RAP1GAP2: variants seen among roughly 807,000 people sequenced by gnomAD.
RAP1GAP2 encodes the protein RAP1 GTPase activating protein 2, also known as rap1 GTPase-activating protein 2.
A neutral mutation model predicts 95.0 loss-of-function variants in RAP1GAP2; 27 were observed. The ratio of observed to expected loss-of-function variants is 0.28; its 90% CI spans 0.21 to 0.39. The LOEUF is 0.39. Ranked by LOEUF, RAP1GAP2 falls within the 10% of genes least tolerant of loss-of-function variation. The pLI, the probability that RAP1GAP2 is intolerant of heterozygous loss-of-function variation, is 1.00. For synonymous variants in RAP1GAP2, 373 were observed against 380.9 expected (o/e 0.98, Z 0.24); for missense variants, 771 against 970.0 (o/e 0.79, Z 2.72).
intron 1 of RAP1GAP2, among the ~76,000 whole-genome samples, chr17:2,765,274 G>T (rs2068251634): frequency 6.6e-6 from 1 of 152,142 alleles, no homozygotes; most frequent in Non-Finnish European, 1.5e-5. Flanking sequence ...CCTGTGTCCA[G>T]CCCAGCACCA....
chr17:2,990,040 G>T (rs1245406813), intron 11 of RAP1GAP2, among the ~76,000 whole-genome samples: 1 of 152,150 alleles, frequency 6.6e-6, no homozygotes, highest in Non-Finnish European at 1.5e-5. Flanking sequence ...TATTTTCAGT[G>T]TTTATCCAGG....
intron 3 of RAP1GAP2, among the ~76,000 whole-genome samples, chr17:2,948,441 G>A (rs1278118244): frequency 6.6e-6 from 1 of 152,262 alleles, no homozygotes; most frequent in Non-Finnish European, 1.5e-5. Flanking sequence ...ATGAGCTGGG[G>A]TGCGGCAAGA....
At chr17:2,962,449 G>T in intron 4 of RAP1GAP2, 1 of 517,992 alleles carries the variant, frequency 1.9e-6, no homozygotes, top group Non-Finnish European at 3.3e-6. Flanking sequence ...GAACCCCGGC[G>T]ATCTGGCTCA....
chr17:2,988,208 C>CA (rs34528475), intron 11 of RAP1GAP2, among the ~76,000 whole-genome samples: 288 of 135,924 alleles, frequency 2.1e-3, no homozygotes, highest in Middle Eastern at 4.2e-3. Flanking sequence ...AACTCCATCT[C>CA]AAAAAAAAAA....
chr17:2,853,807 G>T, intron 2 of RAP1GAP2: 1 of 535,870 alleles, frequency 1.9e-6, no homozygotes, highest in Non-Finnish European at 2.4e-6. Context: ...AGGAGACGCT[G>T]AAGGTCGCCG....
intron 9 of RAP1GAP2, 38 bp from the exon 10 acceptor site, chr17:2,981,157 A>G: frequency 6.3e-7 from 1 of 1,594,644 alleles, no homozygotes; most frequent in Non-Finnish European, 8.6e-7. Context: ...TCCTCTACAG[A>G]TATCATCCCT....
At chr17:3,031,120 G>A (rs1020330931) in intron 23 of RAP1GAP2, 122 bp downstream of exon 23, 6 of 1,122,222 alleles carry the variant, frequency 5.3e-6, no homozygotes, top group Non-Finnish European at 7.7e-6. Flanking sequence ...GGCAGGGGAA[G>A]CTCTGGGGAC....
At chr17:2,851,526 G>A (rs768245264) in intron 2 of RAP1GAP2, among the ~76,000 whole-genome samples, 50 of 152,080 alleles carry the variant, frequency 3.3e-4, no homozygotes, top group Non-Finnish European at 5.1e-4. Flanking sequence ...TAGGGCAGGG[G>A]CAGAAGGATG....
intron 11 of RAP1GAP2, among the ~76,000 whole-genome samples, chr17:2,990,492 T>C (rs1229291069): frequency 1.3e-5 from 2 of 151,604 alleles, no homozygotes; most frequent in Non-Finnish European, 2.9e-5. Flanking sequence ...GTGAAGTTTC[T>C]GGATCACATG....
chr17:2,892,627 T>C lies in RAP1GAP2; in HGVS notation c.81-12657T>C, dbSNP rs2073761356. Among the ~76,000 whole-genome samples the C allele has an allele frequency of 2.6e-5, 4 of 152,194 alleles. No homozygotes were observed. In the South Asian group the frequency reaches 6.2e-4, roughly 24 times the overall value. ...CATCTCTCTCCATGTAGCCTCTCCA[T>C]GTTCCCAGCTGCAGCATTGACAGTC... On this transcript the variant is annotated intron_variant, in intron 2 of 24. Coordinates refer to ENST00000254695, the MANE Select transcript of RAP1GAP2 (RefSeq NM_015085.5).
chr17:2,936,705 C>A (rs891606903), intron 3 of RAP1GAP2, among the ~76,000 whole-genome samples: 1 of 152,020 alleles, frequency 6.6e-6, no homozygotes, highest in Non-Finnish European at 1.5e-5. Context: ...TACCATTAGA[C>A]GCAGCCCTGA....
At chr17:2,920,489 C>G (rs34910921) in intron 3 of RAP1GAP2, among the ~76,000 whole-genome samples, 33 of 152,308 alleles carry the variant, frequency 2.2e-4, no homozygotes, top group African/African-American at 7.9e-4. Context: ...CTGCCTCCCC[C>G]GCTGGATGGT....
At chr17:2,762,106 G>A (rs931518797) in intron 1 of RAP1GAP2, among the ~76,000 whole-genome samples, 1 of 140,382 alleles carries the variant, frequency 7.1e-6, no homozygotes, top group African/African-American at 2.6e-5. Context: ...CTCTATCTCA[G>A]CCTCCCGAGT....
intron 16 of RAP1GAP2, 77 bp downstream of exon 16, chr17:3,006,118 ATCTT>A: frequency 1.8e-5 from 13 of 720,020 alleles, no homozygotes; most frequent in Non-Finnish European, 2.7e-5. Context: ...GGGCTCCTCC[ATCTT>A]TTTTTTTTTT....
chr17:2,782,329 TGAG>T (rs2068680807), intron 1 of RAP1GAP2, among the ~76,000 whole-genome samples: 1 of 152,188 alleles, frequency 6.6e-6, no homozygotes. Flanking sequence ...AGCTCTGAGT[TGAG>T]GAGATGAGTC....
intron 2 of RAP1GAP2, among the ~76,000 whole-genome samples, chr17:2,890,139 T>G (rs1281611683): frequency 6.6e-6 from 1 of 151,836 alleles, no homozygotes; most frequent in African/African-American, 2.4e-5. Context: ...AACCCCTTGT[T>G]CTGGACACTC....
At chr17:2,794,089 CAA>C (rs397700707), upstream of RAP1GAP2, among the ~76,000 whole-genome samples, 10 of 82,428 alleles carry the variant, frequency 1.2e-4, no homozygotes, top group Admixed American at 1.4e-4. Flanking sequence ...CGAGACTCTT[CAA>C]AAAAAAAAAA....
chr17:3,032,482 A>T (rs1234670323), intron 24 of RAP1GAP2, 33 bp downstream of exon 24: 2 of 1,594,822 alleles, frequency 1.3e-6, no homozygotes, highest in Non-Finnish European at 1.7e-6. Flanking sequence ...TGTGGCCGTG[A>T]GGGGGGACGT....
intron 1 of RAP1GAP2, among the ~76,000 whole-genome samples, chr17:2,790,139 A>C (rs973261962): frequency 2.0e-5 from 3 of 149,324 alleles, no homozygotes; most frequent in Non-Finnish European, 3.0e-5. Context: ...TTTGAGATGG[A>C]GTCTCCCTCT....
Sources: allele counts gnomAD v4.1 joint callset (sites outside exome capture counted in the v4.1 genomes callset), GRCh38; gene constraint gnomAD v4.1.1; transcripts MANE v1.5; gene names NCBI Gene and HGNC (gene_info 2026-07-23, HGNC 2026-07-21).